The following CDH22 variants were observed in gnomAD, a reference collection of about 807,000 sequenced individuals.
CDH22 encodes cadherin 22.
In CDH22, 30 loss-of-function variants were observed where a neutral mutation model predicts 58.4. The observed-to-expected ratio is 0.51, with a 90% CI of 0.38 to 0.70. The LOEUF (loss-of-function observed/expected upper bound fraction) is 0.70, where lower values mean the gene tolerates loss of function less well. Among genes scored for constraint, CDH22 ranks in the 30% least tolerant of loss-of-function variants. CDH22 has a pLI of 0.00. For synonymous variants in CDH22, 513 were observed against 558.2 expected, an observed-to-expected ratio of 0.92 and a Z score of 1.14; for missense variants, 1,014 against 1,233.9, an observed-to-expected ratio of 0.82 and a Z score of 2.67.
Position 46,174,645 on chromosome 20 carries a change from G to A in CDH22, c.2348C>T (p.Ala783Val), listed in dbSNP as rs1200806829. 6.4e-7 allele frequency: 1 copy of A among 1,554,294 alleles called. No individual in the cohort carries two copies. Reference protein sequence around the residue: ...YAFEGADSPAASLSSLHSGSS... With the variant: ...YAFEGADSPAVSLSSLHSGSS... The stretch of plus-strand genomic sequence containing the variant: ...GCCGCTGTGCAGGGAGCTGAGCGAG[G>A]CGGCCGGCGAGTCCGCGCCCTCGAA... The change falls in exon 12 of 12, where the codon GCC (alanine) becomes GTC (valine). Residue 783 changes from alanine (A) to valine (V), a missense_variant. Transcript: ENST00000537909. This position sits in a 1 kb window ranked among gnomAD's most constrained non-coding sequence, Gnocchi z 4.4.
In CDH22 at chr20:46,178,068, C is replaced by G; in HGVS notation, c.1793G>C (p.Arg598Pro). The G allele has an allele frequency of 6.2e-7, 1 of 1,614,070 alleles. No individual in the cohort carries two copies. ...GCCGGAGCTGTCGCAGCCACAGATGCGGATGGTGAGCGTGCCTGTGCTGCT... is the reference window on the plus strand; with the variant it reads ...GCCGGAGCTGTCGCAGCCACAGATGGGGATGGTGAGCGTGCCTGTGCTGCT... ...TLSSTGTLTI[R>P]ICGCDSSGTI... is the part of the protein sequence containing the mutation. Residue 598 changes from arginine (R) to proline (P), a missense_variant, in exon 11 of 12, where the codon CGC (arginine) becomes CCC (proline). This residue lies in a region of CDH22 where 806 missense variants were observed against 1,038.7 expected (regional missense o/e 0.78). Transcript: ENST00000537909.
At chr20:46,297,705 C>T (rs1022657049) in intron 1 of CDH22, among the ~76,000 whole-genome samples, 1 of 150,750 alleles carries the variant, frequency 6.6e-6, no homozygotes, top group African/African-American at 2.4e-5. Flanking sequence ...GGGAGGGGCT[C>T]GGGGCTTTCC....
chr20:46,218,463 C>T (rs1262435194), intron 4 of CDH22, among the ~76,000 whole-genome samples: 1 of 152,352 alleles, frequency 6.6e-6, no homozygotes, highest in Non-Finnish European at 1.5e-5. Context: ...CGTCCACACT[C>T]ATGTACACTC....
intron 1 of CDH22, among the ~76,000 whole-genome samples, chr20:46,298,104 A>T (rs2086636678): frequency 1.3e-5 from 2 of 152,204 alleles, no homozygotes; most frequent in African/African-American, 4.8e-5. Flanking sequence ...TACTTCAGAC[A>T]CCTGTAATGA....
intron 1 of CDH22, among the ~76,000 whole-genome samples, chr20:46,279,644 A>C (rs1414811140): frequency 6.6e-6 from 1 of 152,224 alleles, no homozygotes; most frequent in African/African-American, 2.4e-5. Context: ...GCAGTGATAC[A>C]TACTAAGCTC....
intron 1 of CDH22, among the ~76,000 whole-genome samples, chr20:46,271,094 A>T (rs1486412843): frequency 2.0e-5 from 3 of 152,216 alleles, no homozygotes; most frequent in Non-Finnish European, 4.4e-5. Flanking sequence ...GTGGAAGATA[A>T]TGAATAGCAG....
intron 1 of CDH22, among the ~76,000 whole-genome samples, chr20:46,261,468 G>A (rs2086432728): frequency 6.6e-6 from 1 of 152,212 alleles, no homozygotes; most frequent in Non-Finnish European, 1.5e-5. Context: ...GGGTATGGGA[G>A]TTGCCTCCTG....
chr20:46,275,609 G>A (rs1231747012), intron 1 of CDH22, among the ~76,000 whole-genome samples: 1 of 152,148 alleles, frequency 6.6e-6, no homozygotes, highest in Non-Finnish European at 1.5e-5. Flanking sequence ...TTAGGGCATA[G>A]AATAGTACCT....
intron 1 of CDH22, among the ~76,000 whole-genome samples, chr20:46,275,811 C>T (rs978868542): frequency 2.6e-5 from 4 of 151,710 alleles, no homozygotes; most frequent in African/African-American, 9.7e-5. Flanking sequence ...AAAATTAAGC[C>T]AGTAATAGAG....
intron 1 of CDH22, among the ~76,000 whole-genome samples, chr20:46,305,088 G>T (rs111448582): frequency 3.3e-5 from 5 of 152,308 alleles, no homozygotes; most frequent in African/African-American, 1.2e-4. Flanking sequence ...CTGTTTCCAA[G>T]CAGCCACTGT....
intron 10 of CDH22, among the ~76,000 whole-genome samples, chr20:46,181,775 C>CT (rs2085790175): frequency 7.9e-6 from 1 of 126,424 alleles, no homozygotes; most frequent in Admixed American, 9.1e-5. Flanking sequence ...TTCTTTCTTT[C>CT]TTTCTTTCTT....
At position 46,271,911 on chromosome 20, in the gene CDH22, T is replaced by C. The variant is rs7274340; in HGVS notation, c.-399-20218A>G. ...CTCCTCTGAAGCCCAAGGATAAACA[T>C]AGAGCTGCTCTCTCATGCCTCCACT... is the stretch of plus-strand genomic sequence containing the variant. On this transcript the variant is annotated intron_variant, in intron 1 of 11. Transcript: ENST00000537909. Among the ~76,000 whole-genome samples, 943 of 152,320 alleles carry C rather than the reference T, an allele frequency of 6.2e-3. 13 individuals carry two copies. The highest frequency in any genetic ancestry group is 0.021 in the African/African-American group (889 of 41,578).
chr20:46,277,860 G>A (rs529972940), intron 1 of CDH22, among the ~76,000 whole-genome samples: 23 of 152,128 alleles, frequency 1.5e-4, no homozygotes, highest in African/African-American at 5.3e-4. Flanking sequence ...AACTTGATAA[G>A]TTGGGCTTTG....
At chr20:46,307,941 G>A (rs2035282979) in intron 1 of CDH22, among the ~76,000 whole-genome samples, 1 of 151,878 alleles carries the variant, frequency 6.6e-6, no homozygotes, top group African/African-American at 2.4e-5. Flanking sequence ...GCCCGCGGGG[G>A]TCCCGGAGGC....
chr20:46,245,169 C>T (rs935260640), intron 2 of CDH22, among the ~76,000 whole-genome samples: 1 of 152,154 alleles, frequency 6.6e-6, no homozygotes, highest in Admixed American at 6.5e-5. Context: ...CCTAATTCAT[C>T]CCCTATCTCC....
At chr20:46,243,244 T>C (rs1568671150) in intron 2 of CDH22, among the ~76,000 whole-genome samples, 2 of 152,226 alleles carry the variant, frequency 1.3e-5, no homozygotes, top group Admixed American at 1.3e-4. Context: ...TAAATTCTGC[T>C]GGTAGAACTT....
At position 46,288,940 on chromosome 20, in the gene CDH22, TA is replaced by T. The variant is rs1446389550; in HGVS notation, c.-400+19314del. 2.0e-5 allele frequency among the ~76,000 whole-genome samples: 3 copies of T among 152,324 alleles called. No individual in the cohort carries two copies. In the East Asian group the frequency reaches 5.8e-4, roughly 29 times the overall value. ...TGTTCTCAGTTATGGTGTTAAAACA[TA>T]AATCAGGCCGTAACACTCCTTCTCT... On this transcript the variant is annotated intron_variant, in intron 1 of 11. Coordinates refer to ENST00000537909, the MANE Select transcript of CDH22 (RefSeq NM_021248.3).
chr20:46,218,752 G>A (rs2425787), intron 4 of CDH22, among the ~76,000 whole-genome samples: 138,464 of 152,170 alleles, frequency 0.91, 63,200 homozygotes, highest in Middle Eastern at 0.94. Context: ...GGCAGCAGGC[G>A]TGGGGGTGAC....
At chr20:46,201,253 C>T (rs1035414386) in intron 7 of CDH22, among the ~76,000 whole-genome samples, 2 of 152,246 alleles carry the variant, frequency 1.3e-5, no homozygotes, top group African/African-American at 4.8e-5. Context: ...TGCGCAGCCA[C>T]CCGGCCCCTC....
Sources: allele counts gnomAD v4.1 joint callset (sites outside exome capture counted in the v4.1 genomes callset), GRCh38; gene constraint gnomAD v4.1.1; regional missense constraint gnomAD v4.1.1; non-coding constraint Gnocchi (gnomAD v3.1); transcripts MANE v1.5; gene names NCBI Gene and HGNC (gene_info 2026-07-23, HGNC 2026-07-21).